The following EPHA6 variants were observed in gnomAD, a reference collection of about 807,000 sequenced individuals.
The protein encoded by EPHA6 is ephrin type-A receptor 6.
Under a neutral mutation model 112.0 loss-of-function variants are expected in EPHA6, and 50 were observed. That is an observed-to-expected ratio of 0.45 (90% CI 0.36 to 0.56). The LOEUF (loss-of-function observed/expected upper bound fraction) is 0.56, where lower values mean the gene tolerates loss of function less well. Ranked by LOEUF, EPHA6 falls within the 20% of genes least tolerant of loss-of-function variation. The pLI is 0.00. For missense variants in EPHA6, 1,280 were observed against 1,417.4 expected, an observed-to-expected ratio of 0.90 and a Z score of 1.56; for synonymous variants, 529 against 490.7, an observed-to-expected ratio of 1.08 and a Z score of -1.03.
chr3:97,195,204 A>G (rs1343535799), intron 3 of EPHA6, among the ~76,000 whole-genome samples: 1 of 151,704 alleles, frequency 6.6e-6, no homozygotes, highest in African/African-American at 2.4e-5. Flanking sequence ...CTGGTGGAAT[A>G]TATTCTTGCT....
chr3:97,461,909 G>A lies in EPHA6; in HGVS notation c.1894+13179G>A, dbSNP rs564010315. Reference sequence around the variant, plus strand: ...CAGGCAAGTCAGGGGGCCTCCATTAGGCCCATTCCAGCAATATCACCTTGT... The same window carrying A: ...CAGGCAAGTCAGGGGGCCTCCATTAAGCCCATTCCAGCAATATCACCTTGT... On this transcript the variant is annotated intron_variant, in intron 7 of 17. Coordinates refer to ENST00000389672, the MANE Select transcript of EPHA6 (RefSeq NM_001080448.3). Among the ~76,000 whole-genome samples, 19 of 152,226 alleles carry A rather than the reference G, an allele frequency of 1.2e-4. No individual in the cohort carries two copies. The East Asian group carries it at 3.1e-3, about 25-fold the overall frequency.
chr3:96,884,272 T>C (rs986713438), intron 2 of EPHA6, among the ~76,000 whole-genome samples: 3 of 152,210 alleles, frequency 2.0e-5, no homozygotes, highest in Non-Finnish European at 2.9e-5. Flanking sequence ...GGTGGTTTTT[T>C]GATGGGGATT....
At chr3:97,451,155 C>A (rs1267548637) in intron 7 of EPHA6, among the ~76,000 whole-genome samples, 1 of 151,872 alleles carries the variant, frequency 6.6e-6, no homozygotes, top group Non-Finnish European at 1.5e-5. Flanking sequence ...CACTTTTTAG[C>A]CATATTAAGG....
At chr3:97,022,546 TC>T in intron 3 of EPHA6, among the ~76,000 whole-genome samples, 1 of 152,324 alleles carries the variant, frequency 6.6e-6, no homozygotes, top group African/African-American at 2.4e-5. Flanking sequence ...CTCTTTTCAC[TC>T]CCACTTCTAG....
At chr3:97,160,363 G>A (rs367721372) in intron 3 of EPHA6, among the ~76,000 whole-genome samples, 20 of 151,950 alleles carry the variant, frequency 1.3e-4, no homozygotes, top group East Asian at 9.7e-4. Context: ...TACAATCTCC[G>A]CCTCCCGGGT....
intron 5 of EPHA6, among the ~76,000 whole-genome samples, chr3:97,373,582 T>C (rs2085187505): frequency 6.6e-6 from 1 of 152,160 alleles, no homozygotes; most frequent in South Asian, 2.1e-4. Context: ...TGGCTTGTTA[T>C]TTGAATTCAT....
chr3:97,419,800 C>A (rs1188847424), intron 6 of EPHA6, among the ~76,000 whole-genome samples: 1 of 152,006 alleles, frequency 6.6e-6, no homozygotes, highest in East Asian at 1.9e-4. Context: ...ATTACATAAA[C>A]CTTTAGAAAG....
At chr3:97,259,082 T>C (rs2079412307) in intron 5 of EPHA6, among the ~76,000 whole-genome samples, 1 of 152,204 alleles carries the variant, frequency 6.6e-6, no homozygotes, top group Admixed American at 6.5e-5. Flanking sequence ...TGTGCAGTTG[T>C]TCTTAGAAAG....
chr3:97,483,939 T>C lies in EPHA6; in HGVS notation c.2080T>C (p.Phe694Leu). 1.3e-6 allele frequency: 2 copies of C among 1,597,328 alleles called. No individual in the cohort carries two copies. Among genetic ancestry groups the C allele is most frequent in the Non-Finnish European group, 1.7e-6 (2 of 1,172,880 alleles). The change falls in exon 10 of 18, where the codon TTC becomes CTC. Residue 694 changes from phenylalanine to leucine, a missense_variant. By Grantham distance (22) the Phe-to-Leu change is conservative (BLOSUM62 0). Transcript: ENST00000389672. ...TTTTGTTATTGTTGTTGCAGTGCGC[T>C]TCCCGGGAATTAAAACTTACATTGA... is the stretch of plus-strand genomic sequence containing the variant. ...RNHLQNGHLR[F>L]PGIKTYIDPD...
intron 3 of EPHA6, among the ~76,000 whole-genome samples, chr3:97,157,286 G>A (rs555724417): frequency 2.0e-5 from 3 of 152,174 alleles, no homozygotes; most frequent in South Asian, 4.1e-4. Flanking sequence ...CAAATGGTGG[G>A]AAATAGTACA....
At chr3:97,153,589 A>G (rs1452891296) in intron 3 of EPHA6, among the ~76,000 whole-genome samples, 1 of 152,120 alleles carries the variant, frequency 6.6e-6, no homozygotes, top group African/African-American at 2.4e-5. Context: ...TACAAATCTC[A>G]GTAATAGAGC....
intron 3 of EPHA6, among the ~76,000 whole-genome samples, chr3:97,140,123 T>A (rs766281809): frequency 3.3e-5 from 5 of 151,964 alleles, no homozygotes; most frequent in Non-Finnish European, 5.9e-5. Context: ...AAGGCAAATC[T>A]TTTGAATTAA....
chr3:96,942,269 C>G (rs960606307), intron 2 of EPHA6, among the ~76,000 whole-genome samples: 3 of 152,166 alleles, frequency 2.0e-5, no homozygotes, highest in African/African-American at 4.8e-5. Context: ...CCACCCAGTT[C>G]CAGCTTCCCA....
chr3:97,735,914 T>C lies in EPHA6; in HGVS notation c.2935-11T>C, dbSNP rs1302721761. Reference sequence around the variant, plus strand: ...AAAATAAGAGAGTAATCTGTATATGTTTGCATTTAGGTCATTCTGTCCATT... The same window carrying C: ...AAAATAAGAGAGTAATCTGTATATGCTTGCATTTAGGTCATTCTGTCCATT... On this transcript the variant is annotated splice_polypyrimidine_tract_variant and intron_variant, in intron 15 of 17. Coordinates refer to ENST00000389672, the MANE Select transcript of EPHA6 (RefSeq NM_001080448.3). 1.8e-5 allele frequency: 28 copies of C among 1,591,032 alleles called. No individual in the cohort carries two copies. Among genetic ancestry groups the C allele is most frequent in the Non-Finnish European group, 2.4e-5 (28 of 1,165,894 alleles).
At chr3:97,050,401 A>G (rs1261249679) in intron 3 of EPHA6, among the ~76,000 whole-genome samples, 2 of 152,326 alleles carry the variant, frequency 1.3e-5, no homozygotes, top group East Asian at 1.9e-4. Flanking sequence ...CTCGAGCTAC[A>G]TGTGACTCGG....
intron 1 of EPHA6, among the ~76,000 whole-genome samples, chr3:96,829,335 G>A (rs1433226670): frequency 6.6e-6 from 1 of 152,142 alleles, no homozygotes; most frequent in Non-Finnish European, 1.5e-5. Context: ...TTTTACAGAT[G>A]AGGAAACTGA....
At chr3:97,663,965 T>G (rs568936312) in intron 14 of EPHA6, among the ~76,000 whole-genome samples, 1 of 152,188 alleles carries the variant, frequency 6.6e-6, no homozygotes, top group Non-Finnish European at 1.5e-5. Context: ...TGTAAAAGTG[T>G]TCCTATTTCT....
At chr3:97,535,972 T>C (rs1163567233) in intron 11 of EPHA6, among the ~76,000 whole-genome samples, 1 of 152,150 alleles carries the variant, frequency 6.6e-6, no homozygotes, top group Non-Finnish European at 1.5e-5. Flanking sequence ...AAAAGCTGTA[T>C]TATCCAAAAA....
chr3:97,611,324 TG>T (rs1486476495), intron 13 of EPHA6, among the ~76,000 whole-genome samples: 1 of 151,926 alleles, frequency 6.6e-6, no homozygotes, highest in Non-Finnish European at 1.5e-5. Flanking sequence ...TCAGTTCATT[TG>T]GCTGACTATT....
Sources: gnomAD v4.1 joint callset for allele counts (sites outside exome capture counted in the v4.1 genomes callset) on GRCh38, gnomAD v4.1.1 for gene constraint, MANE v1.5 for transcripts, NCBI Gene and HGNC (gene_info 2026-07-23, HGNC 2026-07-21) for gene names.